SLC24A2: variants seen among roughly 807,000 people sequenced by gnomAD.
The protein encoded by SLC24A2 is solute carrier family 24 member 2.
SLC24A2 carries 36 observed loss-of-function variants against 62.0 expected under a neutral mutation model. The observed-to-expected ratio is 0.58, with a 90% CI of 0.44 to 0.77. The LOEUF (loss-of-function observed/expected upper bound fraction) is 0.77. Ranked by LOEUF, SLC24A2 falls within the 30% of genes least tolerant of loss-of-function variation. The pLI is 0.00. For missense variants in SLC24A2, 846 were observed against 817.9 expected (o/e 1.03, Z -0.42); for synonymous variants, 358 against 294.0 (o/e 1.22, Z -2.23).
At chr9:19,777,271 C>A (rs954431880) in intron 2 of SLC24A2, among the ~76,000 whole-genome samples, 11 of 152,072 alleles carry the variant, frequency 7.2e-5, no homozygotes, top group Non-Finnish European at 1.6e-4. Flanking sequence ...CCCAGACTCC[C>A]AAATAAAGCA....
rs549971438 is a variant in SLC24A2 at position 19,652,418 on chromosome 9, A to G, written c.931-30119T>C. Among the ~76,000 whole-genome samples the G allele has an allele frequency of 3.9e-5, 6 of 152,270 alleles. No homozygotes were observed. In the South Asian group the frequency reaches 6.2e-4, roughly 16 times the overall value. ...ATTCTGGATTATCTGGTGGGGCCCA[A>G]TGTAATCACAAGGGTCCTCATAAGA... On this transcript the variant is annotated intron_variant, in intron 2 of 10. Transcript: ENST00000341998.
the SLC24A2 span, among the ~76,000 whole-genome samples, chr9:19,847,333 A>T: frequency 6.6e-6 from 1 of 152,314 alleles, no homozygotes; most frequent in East Asian, 1.9e-4. Flanking sequence ...TGTGTTCCAA[A>T]GAATAAATTG....
chr9:20,106,421 T>G, the SLC24A2 span, among the ~76,000 whole-genome samples: 1 of 152,116 alleles, frequency 6.6e-6, no homozygotes, highest in Non-Finnish European at 1.5e-5. Flanking sequence ...ACCAATATCC[T>G]TGATGAACGT....
chr9:20,098,079 A>C, the SLC24A2 span, among the ~76,000 whole-genome samples: 61 of 152,116 alleles, frequency 4.0e-4, no homozygotes, highest in Non-Finnish European at 1.5e-4. Flanking sequence ...TACCAGGTAT[A>C]AAGTATATAT....
chr9:19,519,349 T>TTGTGTG (rs10640008), intron 10 of SLC24A2, among the ~76,000 whole-genome samples: 263 of 147,674 alleles, frequency 1.8e-3, no homozygotes, highest in South Asian at 6.6e-3. Flanking sequence ...TTAAACTTCC[T>TTGTGTG]TGTGTGTGTG....
chr9:19,786,483 C>T lies in SLC24A2; in HGVS notation c.384G>A (p.Glu128=). 1 of 1,614,162 alleles carries T rather than the reference C, an allele frequency of 6.2e-7. No homozygotes were observed. The highest frequency in any genetic ancestry group is 8.5e-7 in the Non-Finnish European group (1 of 1,180,036). The change falls in exon 2 of 11, where the codon GAG becomes GAA. Residue 128 remains glutamate (E), a synonymous_variant. Transcript: ENST00000341998. This position sits in a 1 kb window ranked among gnomAD's most constrained non-coding sequence, Gnocchi z 5.0. The part of the protein sequence containing the change: ...GDYPKDIFSL[E]ERRKGAIILH... ...GAATGATCGCACCTTTTCTTCTCTC[C>T]TCAAGGGAAAAGATGTCTTTCGGGT...
the SLC24A2 span, among the ~76,000 whole-genome samples, chr9:20,179,750 T>C: frequency 6.6e-6 from 1 of 152,194 alleles, no homozygotes; most frequent in Non-Finnish European, 1.5e-5. Flanking sequence ...GAATAGACTA[T>C]ATGCTCTAGG....
At chr9:19,656,724 GAC>G (rs1818953723) in intron 2 of SLC24A2, among the ~76,000 whole-genome samples, 1 of 152,180 alleles carries the variant, frequency 6.6e-6, no homozygotes, top group African/African-American at 2.4e-5. Context: ...CTGATGTGGA[GAC>G]ACAGTTTCCC....
intron 5 of SLC24A2, among the ~76,000 whole-genome samples, chr9:19,579,636 T>A (rs1836144072): frequency 6.6e-6 from 1 of 152,150 alleles, no homozygotes; most frequent in Non-Finnish European, 1.5e-5. Flanking sequence ...AAGATAATAA[T>A]AAAGCAGGAA....
chr9:20,163,830 T>A, the SLC24A2 span, among the ~76,000 whole-genome samples: 1 of 152,070 alleles, frequency 6.6e-6, no homozygotes, highest in Non-Finnish European at 1.5e-5. Context: ...TAACGCCGCA[T>A]ATCTACAACT....
intron 2 of SLC24A2, among the ~76,000 whole-genome samples, chr9:19,776,214 C>T (rs1190493799): frequency 1.3e-5 from 2 of 152,178 alleles, no homozygotes; most frequent in African/African-American, 4.8e-5. Context: ...TGGAGGCCTG[C>T]TTCATCTGTA....
the SLC24A2 span, among the ~76,000 whole-genome samples, chr9:20,216,461 G>T: frequency 6.6e-6 from 1 of 152,118 alleles, no homozygotes; most frequent in Admixed American, 6.6e-5. Context: ...ACCCCATTAG[G>T]TAATAAAGCT....
chr9:20,306,524 G>A, the SLC24A2 span, among the ~76,000 whole-genome samples: 1 of 152,156 alleles, frequency 6.6e-6, no homozygotes, highest in Admixed American at 6.5e-5. Context: ...CTTGCCTGGG[G>A]CTACTATCCA....
the SLC24A2 span, among the ~76,000 whole-genome samples, chr9:19,875,691 T>A: frequency 6.6e-5 from 10 of 152,156 alleles, no homozygotes; most frequent in Admixed American, 1.3e-4. Context: ...CAGCTGAAAA[T>A]CAGTTGTGAA....
chr9:20,298,636 G>T, the SLC24A2 span, among the ~76,000 whole-genome samples: 1 of 152,228 alleles, frequency 6.6e-6, no homozygotes, highest in African/African-American at 2.4e-5. Context: ...TGTTTCCAAT[G>T]ATTTCTATTA....
rs935165093 is a variant in SLC24A2, at chr9:19,787,658, C to CA, written c.-153-640dup. Among the ~76,000 whole-genome samples the CA allele has an allele frequency of 7.6e-4, 115 of 151,360 alleles. 1 individual carries two copies. The highest frequency in any genetic ancestry group is 2.1e-3 in the African/African-American group (87 of 41,278). ...GTAGTCCTTTACAAATTTAAGTTTACAAAAAAAAATTCTGGTGACATGCAC... is the reference window on the plus strand; with the variant it reads ...GTAGTCCTTTACAAATTTAAGTTTACAAAAAAAAAATTCTGGTGACATGCAC... On this transcript the variant is annotated intron_variant, in intron 1 of 10. Coordinates refer to ENST00000341998, the MANE Select transcript of SLC24A2 (RefSeq NM_020344.4).
At chr9:19,546,016 G>T (rs1308911692) in intron 8 of SLC24A2, among the ~76,000 whole-genome samples, 3 of 152,182 alleles carry the variant, frequency 2.0e-5, no homozygotes, top group African/African-American at 7.2e-5. Context: ...TGTTTGCCTG[G>T]ATATCACCAG....
the SLC24A2 span, among the ~76,000 whole-genome samples, chr9:20,249,807 G>A: frequency 1.3e-5 from 2 of 151,534 alleles, no homozygotes; most frequent in African/African-American, 2.4e-5. Context: ...ATTTATAATT[G>A]GAAGTGAGGA....
chr9:20,289,957 T>C, the SLC24A2 span, among the ~76,000 whole-genome samples: 1 of 152,100 alleles, frequency 6.6e-6, no homozygotes, highest in Non-Finnish European at 1.5e-5. Flanking sequence ...ACACACACAT[T>C]GTAGCATCAC....
Sources: allele counts gnomAD v4.1 joint callset (sites outside exome capture counted in the v4.1 genomes callset), GRCh38; gene constraint gnomAD v4.1.1; non-coding constraint Gnocchi (gnomAD v3.1); transcripts MANE v1.5; gene names NCBI Gene and HGNC (gene_info 2026-07-23, HGNC 2026-07-21).